CALM2: variants seen among roughly 807,000 people sequenced by gnomAD.
The protein encoded by CALM2 is calmodulin 2, also known as calmodulin-2.
CALM2 carries 2 observed loss-of-function variants against 19.8 expected under a neutral mutation model. That is an observed-to-expected ratio of 0.10 (90% CI 0.04 to 0.32). The LOEUF is 0.32. CALM2 is among the 10% of genes least tolerant of loss of function. The pLI, the probability that CALM2 is intolerant of heterozygous loss-of-function variation, is 1.00. For synonymous variants in CALM2, 51 were observed against 52.1 expected (o/e 0.98, Z 0.09); for missense variants, 38 against 178.7 (o/e 0.21, Z 4.49).
intron 1 of CALM2, chr2:47,172,579 G>T (rs910753426): frequency 1.6e-6 from 1 of 631,856 alleles, no homozygotes; most frequent in East Asian, 7.5e-5. Flanking sequence ...CATTTATTAA[G>T]CCCTTTATGG....
chr2:47,170,928 T>C (rs918578397), intron 1 of CALM2, 164 bp from the exon 2 acceptor site: 2 of 645,870 alleles, frequency 3.1e-6, no homozygotes, highest in African/African-American at 3.6e-5. Flanking sequence ...TCTCTTATCT[T>C]CAAAGCTAAG....
chr2:47,165,926 C>G (rs925595043), intron 2 of CALM2, among the ~76,000 whole-genome samples: 1 of 152,212 alleles, frequency 6.6e-6, no homozygotes, highest in Non-Finnish European at 1.5e-5. Context: ...TCCTCCATCT[C>G]TACAACCAGT....
At chr2:47,176,894 C>T (rs763633240), upstream of CALM2, 1 of 985,408 alleles carries the variant, frequency 1.0e-6, no homozygotes, top group Non-Finnish European at 1.2e-6. Context: ...GGACGCGGTG[C>T]GGCTTCTGCC....
chr2:47,161,662 C>G, intron 5 of CALM2, 61 bp downstream of exon 5: 1 of 1,516,550 alleles, frequency 6.6e-7, no homozygotes, highest in Non-Finnish European at 9.0e-7. Flanking sequence ...AGTTCCCTAA[C>G]AAAGAGCCTC....
chr2:47,173,712 C>G, intron 1 of CALM2: 1 of 152,184 alleles, frequency 6.6e-6, no homozygotes, highest in South Asian at 2.1e-4. Flanking sequence ...AACTGCTATC[C>G]TTCATCCATT....
intron 1 of CALM2, chr2:47,172,346 G>A: frequency 2.2e-6 from 1 of 463,062 alleles, no homozygotes; most frequent in Non-Finnish European, 4.4e-6. Flanking sequence ...TAATAGCTGT[G>A]TGACCTTGGA....
At chr2:47,168,256 T>G (rs747181346) in intron 2 of CALM2, among the ~76,000 whole-genome samples, 2 of 152,160 alleles carry the variant, frequency 1.3e-5, no homozygotes, top group African/African-American at 2.4e-5. Context: ...GGAATGGCTT[T>G]AAAGAAATCT....
intron 1 of CALM2, 27 bp downstream of exon 1, chr2:47,176,414 G>A (rs1666871271): frequency 1.2e-6 from 2 of 1,612,380 alleles, no homozygotes; most frequent in Non-Finnish European, 1.7e-6. Flanking sequence ...CACAGGCCCA[G>A]CGCCGGCAGC....
chr2:47,176,693 G>A (rs1271455815), upstream of CALM2: 5 of 1,416,128 alleles, frequency 3.5e-6, no homozygotes, highest in African/African-American at 1.4e-5. Context: ...GAAAGTGGGC[G>A]AACGGATGAC....
rs541064058 is a variant in CALM2, at chr2:47,169,675, C to T, written c.34+1059G>A. ...GTCTTTAATACTAATAGCTTTCTAC[C>T]TACAGTCCTATCAAATAGTATTTGA... On this transcript the variant is annotated intron_variant, in intron 2 of 5. Transcript: ENST00000272298. 1.3e-4 allele frequency among the ~76,000 whole-genome samples: 20 copies of T among 152,238 alleles called. No homozygotes were observed. In the East Asian group the frequency reaches 3.1e-3, roughly 23 times the overall value.
chr2:47,167,424 T>G (rs1287832090), intron 2 of CALM2: 1 of 152,802 alleles, frequency 6.5e-6, no homozygotes, highest in Non-Finnish European at 1.5e-5. Flanking sequence ...CCGGGAGCAG[T>G]GGCTCATGCC....
At chr2:47,176,569 G>T, upstream of CALM2, 1 of 1,550,432 alleles carries the variant, frequency 6.4e-7, no homozygotes, top group Non-Finnish European at 8.7e-7. Context: ...AGATCCCTCC[G>T]CCGCATCCAG....
At chr2:47,171,002 A>G in intron 1 of CALM2, 1 of 461,068 alleles carries the variant, frequency 2.2e-6, no homozygotes, top group South Asian at 3.4e-5. Flanking sequence ...TATACTTTAG[A>G]ATCCAATAGA....
rs1389654126 is a variant in CALM2, at chr2:47,176,504, C to T, written c.-61G>A. On this transcript the variant is annotated 5_prime_UTR_variant, in exon 1 of 6. It adds an upstream start codon to the 5' untranslated region. Coordinates refer to ENST00000272298, the MANE Select transcript of CALM2 (RefSeq NM_001743.6). The stretch of plus-strand genomic sequence containing the variant: ...ACAACCACTCAGCTCGCTCTCTCCA[C>T]TCGGACTAATTCGCCTCCTCCGCCC... The T allele has an allele frequency of 6.2e-7, 1 of 1,609,018 alleles. No homozygotes were observed. The highest frequency in any genetic ancestry group is 8.5e-7 in the Non-Finnish European group (1 of 1,177,976).
chr2:47,175,558 GAC>G (rs895104886), intron 1 of CALM2, among the ~76,000 whole-genome samples: 6 of 152,162 alleles, frequency 3.9e-5, no homozygotes, highest in African/African-American at 1.4e-4. Context: ...TTCTTTCAAC[GAC>G]AGACACTTTA....
chr2:47,175,390 G>C (rs1666820821), intron 1 of CALM2, among the ~76,000 whole-genome samples: 1 of 152,084 alleles, frequency 6.6e-6, no homozygotes, highest in Non-Finnish European at 1.5e-5. Flanking sequence ...CCATCCAATT[G>C]TTACAAGACC....
intron 2 of CALM2, 92 bp downstream of exon 2, chr2:47,170,642 T>G: frequency 1.0e-6 from 1 of 987,510 alleles, no homozygotes; most frequent in African/African-American, 1.6e-5. Context: ...TATACCAAAG[T>G]CAATTATTTC....
chr2:47,164,804 GAC>G (rs1666408136), intron 2 of CALM2, among the ~76,000 whole-genome samples: 1 of 152,080 alleles, frequency 6.6e-6, no homozygotes, highest in Non-Finnish European at 1.5e-5. Flanking sequence ...AAATTTATGT[GAC>G]ACATGTGTAA....
Position 47,164,251 on chromosome 2 carries a change from AAGAAG to A in CALM2, c.35-1594_35-1590del, listed in dbSNP as rs1269135269. On this transcript the variant is annotated intron_variant, in intron 2 of 5. Coordinates refer to ENST00000272298, the MANE Select transcript of CALM2 (RefSeq NM_001743.6). The stretch of plus-strand genomic sequence containing the variant: ...AGACTCCGTCTCAAAAAAAAAAAAA[AAGAAG>A]AAAAAGAAAAGAAACCCCGTCTCTA... Among the ~76,000 whole-genome samples the A allele has an allele frequency of 7.7e-3, 575 of 74,260 alleles. 45 individuals carry two copies. The highest frequency in any genetic ancestry group is 0.038 in the East Asian group (49 of 1,300). The allele number at this position is 74,260 out of a possible 152,430, so 48.7% of individuals were successfully genotyped here. A position where few individuals can be genotyped will look rare whatever the true frequency, so the allele number is the denominator to read the frequency against.
Sources: gnomAD v4.1 joint callset for allele counts (sites outside exome capture counted in the v4.1 genomes callset) on GRCh38, gnomAD v4.1.1 for gene constraint, MANE v1.5 for transcripts, NCBI Gene and HGNC (gene_info 2026-07-23, HGNC 2026-07-21) for gene names.